Variants in MED12L observed in about 807,000 individuals in gnomAD.
MED12L encodes the protein mediator of RNA polymerase II transcription subunit 12-like protein.
A neutral mutation model predicts 281.3 loss-of-function variants in MED12L; 60 were observed. That is an observed-to-expected ratio of 0.21 (90% CI 0.17 to 0.26). The LOEUF is 0.26. Ranked by LOEUF, MED12L falls within the 10% of genes least tolerant of loss-of-function variation. The pLI, the probability that MED12L is intolerant of heterozygous loss-of-function variation, is 1.00. For synonymous variants in MED12L, 974 were observed against 987.2 expected (o/e 0.99, Z 0.25); for missense variants, 2,146 against 2,680.9 (o/e 0.80, Z 4.41).
chr3:151,311,329 G>A (rs1419789188), intron 16 of MED12L, among the ~76,000 whole-genome samples: 1 of 151,564 alleles, frequency 6.6e-6, no homozygotes, highest in Non-Finnish European at 1.5e-5. Flanking sequence ...AACTGTGTGT[G>A]TGTGTATATA....
Position 151,151,031 on chromosome 3 carries a change from C to CTTTTTTT in MED12L, c.557-5113_557-5107dup, listed in dbSNP as rs573419924. Among the ~76,000 whole-genome samples the CTTTTTTT allele has an allele frequency of 1.6e-3, 51 of 32,882 alleles. 16 individuals carry two copies. Among genetic ancestry groups the CTTTTTTT allele is most frequent in the South Asian group, 5.9e-3 (4 of 678 alleles). The allele number at this position is 32,882 out of a possible 152,430, so 21.6% of individuals were successfully genotyped here. A position where few individuals can be genotyped will look rare whatever the true frequency, so the allele number is the denominator to read the frequency against. The stretch of plus-strand genomic sequence containing the variant: ...ATCATTTGTATGACTGCTGAAGTAG[C>CTTTTTTT]TTTTTTTTTTTTTTTTTTTTTTTGA... On this transcript the variant is annotated intron_variant, in intron 5 of 44. Transcript: ENST00000687756.
At chr3:151,432,708 A>G in intron 44 of MED12L, 44 bp from the exon 45 acceptor site, 2 of 1,473,102 alleles carry the variant, frequency 1.4e-6, no homozygotes, top group Non-Finnish European at 1.9e-6. Flanking sequence ...TCTGTGCAAT[A>G]GTTTTGTGTC....
intron 16 of MED12L, among the ~76,000 whole-genome samples, chr3:151,209,680 G>GT (rs1726862423): frequency 6.6e-6 from 1 of 152,122 alleles, no homozygotes; most frequent in Non-Finnish European, 1.5e-5. Flanking sequence ...TGTTACAGAT[G>GT]TTTTTTGTAT....
chr3:151,293,537 G>A (rs890506391), intron 16 of MED12L, among the ~76,000 whole-genome samples: 1 of 147,010 alleles, frequency 6.8e-6, no homozygotes, highest in South Asian at 2.2e-4. Context: ...CTGAAGGTGG[G>A]CTCTGACCTG....
chr3:151,234,850 T>C (rs542656352), intron 16 of MED12L, among the ~76,000 whole-genome samples: 3 of 152,298 alleles, frequency 2.0e-5, no homozygotes, highest in East Asian at 3.9e-4. Context: ...TCACCATCAC[T>C]CTCCTGGTGG....
intron 16 of MED12L, among the ~76,000 whole-genome samples, chr3:151,343,702 T>C (rs7641645): frequency 0.4 from 60,068 of 152,000 alleles, 12,145 homozygotes; most frequent in African/African-American, 0.47. Flanking sequence ...TTATTTTGTA[T>C]AATTGAGATG....
At chr3:151,269,851 C>T (rs987908886) in intron 16 of MED12L, 9 of 450,482 alleles carry the variant, frequency 2.0e-5, no homozygotes, top group African/African-American at 1.2e-4. Context: ...GTAAAGTCAG[C>T]AGGAAGAGGC....
intron 16 of MED12L, among the ~76,000 whole-genome samples, chr3:151,296,708 T>C (rs959788004): frequency 6.6e-6 from 1 of 152,010 alleles, no homozygotes; most frequent in Non-Finnish European, 1.5e-5. Flanking sequence ...TTATCATCAT[T>C]ATTTTTGGGG....
intron 16 of MED12L, among the ~76,000 whole-genome samples, chr3:151,245,589 T>G (rs1288142810): frequency 1.5e-4 from 22 of 150,690 alleles, no homozygotes; most frequent in Admixed American, 5.3e-4. Context: ...CTGAAAACTC[T>G]CAATAAATTA....
At chr3:151,409,367 T>G (rs548799891) in intron 40 of MED12L, 35 bp downstream of exon 40, 1 of 1,592,292 alleles carries the variant, frequency 6.3e-7, no homozygotes, top group East Asian at 2.2e-5. Flanking sequence ...CTGACAGGAT[T>G]TTCAAAGCTC....
rs1716921186 is a variant in MED12L at position 151,411,429 on chromosome 3, G to T, written c.6062G>T (p.Arg2021Ile). ...HSNPVLMERL[R>I]QIQQQPSGYV... ...AACCCCGTGCTAATGGAAAGACTCA[G>T]ACAGATTCAGCAGCAGCCGAGTGGC... The change falls in exon 41 of 45, where the codon AGA becomes ATA. Residue 2021 changes from arginine to isoleucine, a missense_variant. Arg to Ile is a moderately conservative substitution (Grantham distance 97). Coordinates refer to ENST00000687756, the MANE Select transcript of MED12L (RefSeq NM_001393769.1). 3 of 1,614,168 alleles carry T rather than the reference G, an allele frequency of 1.9e-6. No individual in the cohort carries two copies. Among genetic ancestry groups the T allele is most frequent in the Non-Finnish European group, 2.5e-6 (3 of 1,180,038 alleles).
chr3:151,167,324 A>G (rs1420221935), intron 11 of MED12L, among the ~76,000 whole-genome samples: 1 of 152,208 alleles, frequency 6.6e-6, no homozygotes, highest in African/African-American at 2.4e-5. Context: ...ACTGCCGATG[A>G]TAATATCCAG....
chr3:151,199,522 G>C (rs75948219), intron 16 of MED12L: 1 of 715,060 alleles, frequency 1.4e-6, no homozygotes, highest in Admixed American at 2.9e-5. Context: ...TCACAATACC[G>C]TTGTCTTTCC....
In MED12L at chr3:151,390,110, C is replaced by T. The variant is rs1020943289; in HGVS notation, c.5583C>T (p.Phe1861=). The T allele has an allele frequency of 6.2e-7, 1 of 1,613,990 alleles. No individual in the cohort carries two copies. The highest frequency in any genetic ancestry group is 8.5e-7 in the Non-Finnish European group (1 of 1,179,970). The part of the protein sequence containing the change: ...LVGQPQQPGF[F]LQNQSLTPGG... ...GCCAGCCCCAGCAGCCCGGCTTTTT[C>T]CTTCAGAACCAATCTCTTACTCCAG... The change falls in exon 38 of 45, where the codon TTC becomes TTT. Residue 1861 remains phenylalanine (F), a synonymous_variant. Transcript: ENST00000687756.
chr3:151,150,391 G>T (rs183164559), intron 5 of MED12L, among the ~76,000 whole-genome samples: 16 of 152,220 alleles, frequency 1.1e-4, no homozygotes, highest in Admixed American at 4.6e-4. Flanking sequence ...TCAAGAGTGG[G>T]CTTAAAAATA....
At chr3:151,192,432 A>T in intron 14 of MED12L, 118 bp from the exon 15 acceptor site, 1 of 749,016 alleles carries the variant, frequency 1.3e-6, no homozygotes, top group East Asian at 2.7e-5. Flanking sequence ...CGGGGAAGAA[A>T]ACAATACGGG....
At chr3:151,202,688 CAAAAT>C (rs1725798028) in intron 16 of MED12L, among the ~76,000 whole-genome samples, 1 of 152,082 alleles carries the variant, frequency 6.6e-6, no homozygotes, top group Admixed American at 6.5e-5. Flanking sequence ...AAAACAAAAA[CAAAAT>C]AAAAGCTTAT....
At chr3:151,151,031 C>CTTTTTTTTTTTTT (rs573419924) in intron 5 of MED12L, among the ~76,000 whole-genome samples, 1,787 of 32,864 alleles carry the variant, frequency 0.054, 693 homozygotes, top group Middle Eastern at 0.15. Flanking sequence ...GCTGAAGTAG[C>CTTTTTTTTTTTTT]TTTTTTTTTT....
Position 151,144,268 on chromosome 3 carries a change from GA to G in MED12L, c.557-11884del, listed in dbSNP as rs35793737. 6.8e-3 allele frequency among the ~76,000 whole-genome samples: 1,020 copies of G among 151,050 alleles called. 17 individuals carry two copies. The highest frequency in any genetic ancestry group is 0.023 in the African/African-American group (951 of 41,182). ...TGATAGGGAAAAAGGACAACTGGGG[GA>G]AAAAAAAATCCCTAAATGCGACAGT... On this transcript the variant is annotated intron_variant, in intron 5 of 44. Coordinates refer to ENST00000687756, the MANE Select transcript of MED12L (RefSeq NM_001393769.1).
Sources: allele counts gnomAD v4.1 joint callset (sites outside exome capture counted in the v4.1 genomes callset), GRCh38; gene constraint gnomAD v4.1.1; transcripts MANE v1.5; gene names NCBI Gene and HGNC (gene_info 2026-07-23, HGNC 2026-07-21).